The following EIF4G3 variants were observed in gnomAD, a reference collection of about 807,000 sequenced individuals.
EIF4G3 encodes eIF-4-gamma 3.
Under a neutral mutation model 186.4 loss-of-function variants are expected in EIF4G3, and 34 were observed. The ratio of observed to expected loss-of-function variants is 0.18; its 90% CI spans 0.14 to 0.24. The LOEUF is 0.24. Ranked by LOEUF, EIF4G3 falls within the 10% of genes least tolerant of loss-of-function variation. The pLI, the probability that EIF4G3 is intolerant of heterozygous loss-of-function variation, is 1.00. For missense variants in EIF4G3, 1,536 were observed against 1,948.5 expected (o/e 0.79, Z 3.99); for synonymous variants, 673 against 679.5 (o/e 0.99, Z 0.15).
At chr1:20,844,579 C>T (rs567164341) in intron 29 of EIF4G3, among the ~76,000 whole-genome samples, 11 of 152,064 alleles carry the variant, frequency 7.2e-5, no homozygotes, top group East Asian at 5.8e-4. Context: ...TGGTGGCTTA[C>T]GCCTGTAATC....
At chr1:20,914,959 C>CT in intron 14 of EIF4G3, among the ~76,000 whole-genome samples, 1 of 152,168 alleles carries the variant, frequency 6.6e-6, no homozygotes, top group Non-Finnish European at 1.5e-5. Context: ...CTCCTAGGTC[C>CT]TTACTAGTTT....
At chr1:21,035,871 T>C (rs1026937068) in intron 4 of EIF4G3, among the ~76,000 whole-genome samples, 1 of 152,152 alleles carries the variant, frequency 6.6e-6, no homozygotes, top group African/African-American at 2.4e-5. Context: ...TGGTGCCTTT[T>C]CTGGGCTGCC....
chr1:20,845,656 C>A (rs1316418823), intron 29 of EIF4G3, among the ~76,000 whole-genome samples: 1 of 151,084 alleles, frequency 6.6e-6, no homozygotes, highest in African/African-American at 2.4e-5. Context: ...TGCAAGACTC[C>A]ATCTCAAGAA....
At chr1:21,062,885 C>T (rs764851251) in intron 3 of EIF4G3, among the ~76,000 whole-genome samples, 5 of 151,980 alleles carry the variant, frequency 3.3e-5, no homozygotes, top group Admixed American at 6.6e-5. Flanking sequence ...GCCACGGTGC[C>T]CAGCCAATAT....
intron 14 of EIF4G3, among the ~76,000 whole-genome samples, chr1:20,921,410 G>A (rs191637628): frequency 1.1e-4 from 17 of 152,274 alleles, no homozygotes; most frequent in East Asian, 5.8e-4. Flanking sequence ...GTGTTGAAGC[G>A]GTGTATCAGC....
chr1:20,827,230 T>A (rs538858343), intron 32 of EIF4G3, among the ~76,000 whole-genome samples: 1 of 152,310 alleles, frequency 6.6e-6, no homozygotes, highest in South Asian at 2.1e-4. Flanking sequence ...AAATTATTGG[T>A]TTAGATTTAT....
intron 32 of EIF4G3, 62 bp from the exon 33 acceptor site, chr1:20,825,260 A>G: frequency 1.6e-6 from 2 of 1,219,936 alleles, no homozygotes; most frequent in Non-Finnish European, 1.1e-6. Flanking sequence ...AGAAAAAAAA[A>G]AAAAAAAAAA....
At position 20,980,483 on chromosome 1, in the gene EIF4G3, T is replaced by C. The variant is rs763806765; in HGVS notation, c.379-35A>G. The stretch of plus-strand genomic sequence containing the variant: ...AGAAAGTATGAATATTTATAAATAA[T>C]ATGGTATCTGGGGGCGAAAAACATA... On this transcript the variant is annotated intron_variant, in intron 9 of 36. Coordinates refer to ENST00000602326, the MANE Select transcript of EIF4G3 (RefSeq NM_001391906.1). The C allele has an allele frequency of 2.1e-6, 3 of 1,405,480 alleles. No homozygotes were observed. The Admixed American group carries it at 7.8e-5, about 36-fold the overall frequency. 87.1% of individuals were successfully genotyped at this position (1,405,480 alleles called of 1,614,324 possible). A position where few individuals can be genotyped will look rare whatever the true frequency, so the allele number is the denominator to read the frequency against.
intron 14 of EIF4G3, among the ~76,000 whole-genome samples, chr1:20,918,828 A>T (rs1182480805): frequency 6.0e-5 from 9 of 149,774 alleles, no homozygotes; most frequent in Non-Finnish European, 1.2e-4. Flanking sequence ...TATAGGTCTG[A>T]GCCACTGCAC....
chr1:21,130,216 CTTTTTT>C (rs71014159), intron 2 of EIF4G3, among the ~76,000 whole-genome samples: 1 of 75,346 alleles, frequency 1.3e-5, no homozygotes, highest in South Asian at 6.3e-4. Context: ...GACCCCATCT[CTTTTTT>C]TTTTTTTTTT....
intron 15 of EIF4G3, among the ~76,000 whole-genome samples, chr1:20,901,133 G>A (rs559705406): frequency 6.6e-6 from 1 of 151,998 alleles, no homozygotes; most frequent in Non-Finnish European, 1.5e-5. Context: ...CTAATTCATG[G>A]AAAAAGATAG....
At chr1:21,127,285 AT>A (rs2097064253) in intron 2 of EIF4G3, among the ~76,000 whole-genome samples, 1 of 151,704 alleles carries the variant, frequency 6.6e-6, no homozygotes, top group South Asian at 2.1e-4. Flanking sequence ...CCTCCTTTAA[AT>A]TTTTTTTCAG....
chr1:20,836,634 C>T (rs1327397735), intron 30 of EIF4G3, among the ~76,000 whole-genome samples: 1 of 152,214 alleles, frequency 6.6e-6, no homozygotes, highest in Non-Finnish European at 1.5e-5. Context: ...AGAATTTCCT[C>T]TCTAACAAAA....
At chr1:20,927,380 C>T (rs1310134653) in intron 14 of EIF4G3, among the ~76,000 whole-genome samples, 1 of 152,200 alleles carries the variant, frequency 6.6e-6, no homozygotes, top group Non-Finnish European at 1.5e-5. Flanking sequence ...ATCTGGGAGC[C>T]TGGATCTTGT....
chr1:21,108,902 C>CAAAA lies in EIF4G3; in HGVS notation c.-271-19693_-271-19690dup, dbSNP rs767728797. Among the ~76,000 whole-genome samples, 123 of 33,202 alleles carry CAAAA rather than the reference C, an allele frequency of 3.7e-3. 11 individuals are homozygous for CAAAA. In the East Asian group the frequency reaches 0.067, roughly 18 times the overall value. 21.8% of individuals were successfully genotyped at this position (33,202 alleles called of 152,430 possible). Reference sequence around the variant, plus strand: ...TGGGCGACAGAGTGAGACTCCATCTCAAAAAAAAAAAAAAAAAAAAAAACT... The same window carrying CAAAA: ...TGGGCGACAGAGTGAGACTCCATCTCAAAAAAAAAAAAAAAAAAAAAAAAAAACT... On this transcript the variant is annotated intron_variant, in intron 2 of 36. Transcript: ENST00000602326.
intron 14 of EIF4G3, 31 bp downstream of exon 14, chr1:20,941,460 C>A (rs780462015): frequency 3.1e-5 from 50 of 1,605,536 alleles, no homozygotes; most frequent in Non-Finnish European, 1.6e-5. Context: ...TCATGTTCAG[C>A]AAGCACGAGA....
At chr1:20,927,130 G>A (rs965568838) in intron 14 of EIF4G3, among the ~76,000 whole-genome samples, 6 of 149,688 alleles carry the variant, frequency 4.0e-5, no homozygotes, top group Admixed American at 1.3e-4. Context: ...TGCAACATCC[G>A]CCTCCTGGGT....
At chr1:20,970,984 G>C (rs2075774528) in intron 11 of EIF4G3, among the ~76,000 whole-genome samples, 2 of 152,154 alleles carry the variant, frequency 1.3e-5, no homozygotes, top group South Asian at 4.1e-4. Context: ...GAATGAGGCA[G>C]ATCTACATGA....
intron 21 of EIF4G3, 132 bp downstream of exon 21, chr1:20,864,984 G>T (rs1218538701): frequency 2.0e-6 from 2 of 1,020,736 alleles, no homozygotes; most frequent in Admixed American, 2.4e-5. Flanking sequence ...TTAATATGTT[G>T]TTTCTACATG....
Sources: gnomAD v4.1 joint callset for allele counts (sites outside exome capture counted in the v4.1 genomes callset) on GRCh38, gnomAD v4.1.1 for gene constraint, MANE v1.5 for transcripts, NCBI Gene and HGNC (gene_info 2026-07-23, HGNC 2026-07-21) for gene names.